PI4KA: variants seen among roughly 807,000 people sequenced by gnomAD.
PI4KA encodes the protein phosphatidylinositol 4-kinase alpha.
In PI4KA, 122 loss-of-function variants were observed where a neutral mutation model predicts 271.4. That is an observed-to-expected ratio of 0.45 (90% CI 0.39 to 0.52). The LOEUF (loss-of-function observed/expected upper bound fraction) is 0.52, where lower values mean the gene tolerates loss of function less well. Among genes scored for constraint, PI4KA ranks in the 20% least tolerant of loss-of-function variants. The pLI, the probability that PI4KA is intolerant of heterozygous loss-of-function variation, is 0.00. For synonymous variants in PI4KA, 1,041 were observed against 1,078.8 expected, an observed-to-expected ratio of 0.96 and a Z score of 0.69; for missense variants, 1,969 against 2,769.1, an observed-to-expected ratio of 0.71 and a Z score of 6.48.
intron 42 of PI4KA, among the ~76,000 whole-genome samples, chr22:20,722,492 G>A (rs1926856931): frequency 3.9e-5 from 6 of 152,076 alleles, no homozygotes; most frequent in Admixed American, 3.9e-4. Context: ...TGGCCAGGAA[G>A]TTCTTTATAG....
chr22:20,729,126 G>A (rs1287403968), intron 39 of PI4KA, among the ~76,000 whole-genome samples, 187 bp downstream of exon 39: 1 of 152,228 alleles, frequency 6.6e-6, no homozygotes, highest in Non-Finnish European at 1.5e-5. Flanking sequence ...AAGATCACGA[G>A]GGTTGCTGGG....
chr22:20,729,619 C>T lies in PI4KA; in HGVS notation c.4488+13G>A, dbSNP rs373780125. On this transcript the variant is annotated intron_variant, in intron 38 of 54. Coordinates refer to ENST00000255882, the MANE Select transcript of PI4KA (RefSeq NM_058004.4). Reference sequence around the variant, plus strand: ...TGGCGGGCAGCAGGCACAGCTGCACCTGTGGGCCTTACCAGCAGGGACAGC... The same window carrying T: ...TGGCGGGCAGCAGGCACAGCTGCACTTGTGGGCCTTACCAGCAGGGACAGC... 1 of 1,562,058 alleles carries T rather than the reference C, an allele frequency of 6.4e-7. No homozygotes were observed. Among genetic ancestry groups the T allele is most frequent in the Non-Finnish European group, 8.7e-7 (1 of 1,152,120 alleles).
Position 20,746,276 on chromosome 22 carries a change from A to G in PI4KA, c.3363+1307T>C, listed in dbSNP as rs533585120. ...ACGGGGTTTCACCGTGTTGGCCAGGATGGTCTCGATCCACTGACCTCGTGA... is the reference window on the plus strand; with the variant it reads ...ACGGGGTTTCACCGTGTTGGCCAGGGTGGTCTCGATCCACTGACCTCGTGA... On this transcript the variant is annotated intron_variant, in intron 29 of 54. Coordinates refer to ENST00000255882, the MANE Select transcript of PI4KA (RefSeq NM_058004.4). Among the ~76,000 whole-genome samples the G allele has an allele frequency of 4.6e-5, 7 of 151,974 alleles. No individual in the cohort carries two copies. The East Asian group carries it at 1.4e-3, about 29-fold the overall frequency.
At position 20,819,631 on chromosome 22, in the gene PI4KA, C is replaced by T. The variant is rs370925787; in HGVS notation, c.789+10G>A. On this transcript the variant is annotated intron_variant, in intron 6 of 54. Transcript: ENST00000255882. ...TCTCCTCTGCTCTTTCCCCAGTAGC[C>T]CAGGCCCACCTGAGAGATGCTGGAC... is the stretch of plus-strand genomic sequence containing the variant. 2.2e-5 allele frequency: 35 copies of T among 1,612,118 alleles called. No individual in the cohort carries two copies. In the South Asian group the frequency reaches 3.7e-4, roughly 17 times the overall value.
chr22:20,788,080 A>G (rs1270932457), intron 19 of PI4KA, among the ~76,000 whole-genome samples: 1 of 152,218 alleles, frequency 6.6e-6, no homozygotes, highest in Non-Finnish European at 1.5e-5. Flanking sequence ...AGACAAGTGA[A>G]ATCCACAGAG....
chr22:20,857,392 G>A (rs541151308), intron 1 of PI4KA, among the ~76,000 whole-genome samples: 2 of 152,232 alleles, frequency 1.3e-5, no homozygotes, highest in South Asian at 4.1e-4. Flanking sequence ...CAAGGCCAAG[G>A]ACCAGGTCAC....
chr22:20,802,120 T>G lies in PI4KA; in HGVS notation c.1592-15A>C, dbSNP rs1277750057. ...ATTGCCAGCAACTGAAAGTAAAAAA[T>G]TCAAATATATACCTAGTTAGGCCTA... On this transcript the variant is annotated splice_polypyrimidine_tract_variant and intron_variant, in intron 13 of 54. Coordinates refer to ENST00000255882, the MANE Select transcript of PI4KA (RefSeq NM_058004.4). 1.2e-6 allele frequency: 2 copies of G among 1,611,712 alleles called. No individual in the cohort carries two copies. Among genetic ancestry groups the G allele is most frequent in the South Asian group, 2.2e-5 (2 of 90,992 alleles).
At chr22:20,798,499 T>C (rs1413157073) in intron 17 of PI4KA, 85 bp downstream of exon 17, 3 of 883,754 alleles carry the variant, frequency 3.4e-6, no homozygotes, top group Admixed American at 1.7e-5. Flanking sequence ...GAAGAGTTTA[T>C]TTAAGAGACA....
intron 19 of PI4KA, among the ~76,000 whole-genome samples, chr22:20,778,410 A>C (rs1933474017): frequency 3.9e-5 from 6 of 152,132 alleles, no homozygotes; most frequent in African/African-American, 1.2e-4. Flanking sequence ...AGGCTGAGGC[A>C]AGAGAATTGC....
At chr22:20,775,417 G>C (rs951262003) in intron 19 of PI4KA, among the ~76,000 whole-genome samples, 2 of 152,150 alleles carry the variant, frequency 1.3e-5, no homozygotes, top group African/African-American at 2.4e-5. Flanking sequence ...TCTGGTAAGG[G>C]AATGACGAAA....
Position 20,727,399 on chromosome 22 carries a change from T to C in PI4KA, c.4774-2A>G. ...GATGGTGTGCCAGGTGACCAGGAAC[T>C]GCAGAGAAGGTGGGGAGATGCTGTG... On this transcript the variant is annotated splice_acceptor_variant, in intron 40 of 54. Transcript: ENST00000255882. LOFTEE classifies it high-confidence loss of function. 6.3e-7 allele frequency: 1 copy of C among 1,599,344 alleles called. No individual in the cohort carries two copies. The highest frequency in any genetic ancestry group is 8.5e-7 in the Non-Finnish European group (1 of 1,172,872).
intron 4 of PI4KA, among the ~76,000 whole-genome samples, chr22:20,823,038 C>T (rs1171023271): frequency 2.0e-5 from 3 of 152,046 alleles, no homozygotes; most frequent in East Asian, 3.9e-4. Flanking sequence ...CTCAGCCTCC[C>T]GAGTAGCTAG....
intron 42 of PI4KA, among the ~76,000 whole-genome samples, chr22:20,725,145 G>A (rs997984099): frequency 2.0e-5 from 3 of 152,190 alleles, no homozygotes; most frequent in African/African-American, 7.2e-5. Context: ...CCAGCCCACA[G>A]GTGGGCCAGA....
chr22:20,792,283 C>T (rs1324095655), intron 19 of PI4KA, among the ~76,000 whole-genome samples: 1 of 152,156 alleles, frequency 6.6e-6, no homozygotes, highest in African/African-American at 2.4e-5. Context: ...GATGAACACT[C>T]AGATGGTGTG....
In PI4KA at chr22:20,805,084, A is replaced by G; in HGVS notation, c.1250T>C (p.Ile417Thr). 6.2e-7 allele frequency: 1 copy of G among 1,614,030 alleles called. No homozygotes were observed. The highest frequency in any genetic ancestry group is 8.5e-7 in the Non-Finnish European group (1 of 1,179,946). The part of the protein sequence containing the change: ...FNTSQGELQK[I>T]LHDADRIHNE... ...GTGGATCCGGTCTGCGTCATGTAGAATCTTCTGGAGCTCCCCCTGGCTCGT... is the reference window on the plus strand; with the variant it reads ...GTGGATCCGGTCTGCGTCATGTAGAGTCTTCTGGAGCTCCCCCTGGCTCGT... Residue 417 changes from isoleucine (I) to threonine (T), a missense_variant, in exon 11 of 55, where the codon ATT becomes ACT. Coordinates refer to ENST00000255882, the MANE Select transcript of PI4KA (RefSeq NM_058004.4).
rs1420942678 is a variant in PI4KA, at chr22:20,717,691, A to G, written c.5317+17T>C. On this transcript the variant is annotated intron_variant, in intron 45 of 54. Transcript: ENST00000255882. ...CAGGAAGAGGTTGGTCTGAGCCTCC[A>G]GAAGCCACCTGCTCACCCGGCTGCA... The G allele has an allele frequency of 1.3e-6, 2 of 1,562,954 alleles. No individual in the cohort carries two copies. Among genetic ancestry groups the G allele is most frequent in the Admixed American group, 1.9e-5 (1 of 53,188 alleles).
At chr22:20,789,258 T>C (rs891729195) in intron 19 of PI4KA, among the ~76,000 whole-genome samples, 10 of 152,244 alleles carry the variant, frequency 6.6e-5, no homozygotes, top group African/African-American at 2.4e-4. Context: ...CAGCAGCACT[T>C]ACCTTGAGGG....
chr22:20,798,671 TC>T lies in PI4KA; in HGVS notation c.2020del (p.Glu674LysfsTer11), dbSNP rs1409525414. 2 of 1,611,934 alleles carry T rather than the reference TC, an allele frequency of 1.2e-6. No individual in the cohort carries two copies. Among genetic ancestry groups the T allele is most frequent in the Non-Finnish European group, 1.7e-6 (2 of 1,178,134 alleles). The stretch of plus-strand genomic sequence containing the variant: ...GATCTGCTGGAAGAGGTTCCACACT[TC>T]CTGATAGATGTATTGCTGGGAGAGA... ...VITGNQYIYQ[E>X]VWNLFQQISV... On this transcript the variant is annotated frameshift_variant, in exon 17 of 55. Transcript: ENST00000255882. LOFTEE classifies it high-confidence loss of function.
chr22:20,836,402 A>G (rs1030486419), intron 2 of PI4KA, among the ~76,000 whole-genome samples: 3 of 152,386 alleles, frequency 2.0e-5, no homozygotes, highest in Admixed American at 1.3e-4. Flanking sequence ...AACCATAAAA[A>G]GGAACTGGCT....
Sources: gnomAD v4.1 joint callset for allele counts (sites outside exome capture counted in the v4.1 genomes callset) on GRCh38, gnomAD v4.1.1 for gene constraint, MANE v1.5 for transcripts, NCBI Gene and HGNC (gene_info 2026-07-23, HGNC 2026-07-21) for gene names.